TBC1D8: variants seen among roughly 807,000 people sequenced by gnomAD.
The protein encoded by TBC1D8 is TBC1 domain family member 8, also known as BUB2-like protein 1.
In TBC1D8, 65 loss-of-function variants were observed where a neutral mutation model predicts 118.8. The ratio of observed to expected loss-of-function variants is 0.55; its 90% CI spans 0.45 to 0.67. TBC1D8 has a LOEUF of 0.67. Among genes scored for constraint, TBC1D8 ranks in the 30% least tolerant of loss-of-function variants. TBC1D8 has a pLI of 0.00. For missense variants in TBC1D8, 1,376 were observed against 1,471.2 expected, an observed-to-expected ratio of 0.94 and a Z score of 1.06; for synonymous variants, 566 against 595.8, an observed-to-expected ratio of 0.95 and a Z score of 0.73.
chr2:101,136,331 C>A (rs1678853688), intron 1 of TBC1D8, among the ~76,000 whole-genome samples: 2 of 152,202 alleles, frequency 1.3e-5, no homozygotes, highest in African/African-American at 2.4e-5. Context: ...CCCCTACCCT[C>A]ACCATGTGAT....
chr2:101,013,952 G>T (rs1045537427), intron 17 of TBC1D8, among the ~76,000 whole-genome samples: 1 of 152,200 alleles, frequency 6.6e-6, no homozygotes, highest in Non-Finnish European at 1.5e-5. Flanking sequence ...GAGGCCCTGC[G>T]CTTGGATTAA....
At chr2:101,049,086 A>G (rs1681890993) in intron 5 of TBC1D8, among the ~76,000 whole-genome samples, 1 of 152,236 alleles carries the variant, frequency 6.6e-6, no homozygotes, top group Non-Finnish European at 1.5e-5. Flanking sequence ...AATAGCTCCG[A>G]GCCCCTGCTT....
chr2:101,075,929 G>T (rs1360152348), intron 2 of TBC1D8, among the ~76,000 whole-genome samples: 1 of 152,092 alleles, frequency 6.6e-6, no homozygotes, highest in Non-Finnish European at 1.5e-5. Flanking sequence ...CAACGTTTCT[G>T]TATGTTTGAA....
Position 101,111,833 on chromosome 2 carries a change from C to T in TBC1D8, c.128-21469G>A, listed in dbSNP as rs1574054075. ...ATGTCTGGTGGTGATGCTGGCACAG[C>T]AATGCAAATGTACATAATGCCACCA... On this transcript the variant is annotated intron_variant, in intron 1 of 19. Transcript: ENST00000409318. 2.0e-5 allele frequency among the ~76,000 whole-genome samples: 3 copies of T among 151,056 alleles called. No homozygotes were observed. The South Asian group carries it at 6.3e-4, about 32-fold the overall frequency.
At position 101,151,345 on chromosome 2, in the gene TBC1D8, C is replaced by G. The variant is rs1015358638; in HGVS notation, c.-92G>C. The G allele has an allele frequency of 1.9e-6, 2 of 1,067,110 alleles. No individual in the cohort carries two copies. The highest frequency in any genetic ancestry group is 5.5e-5 in the Admixed American group (1 of 18,190). The allele number at this position is 1,067,110 out of a possible 1,614,324, so 66.1% of individuals were successfully genotyped here. On this transcript the variant is annotated 5_prime_UTR_variant, in exon 1 of 20. Coordinates refer to ENST00000409318, the MANE Select transcript of TBC1D8 (RefSeq NM_001330348.2). ...GAGCCCGCTCGAGAGGCGACGGCGG[C>G]GCGCGGGGACCACAGCCCGGCCGGT...
intron 1 of TBC1D8, among the ~76,000 whole-genome samples, chr2:101,141,063 A>G (rs903315000): frequency 1.4e-4 from 22 of 152,108 alleles, no homozygotes; most frequent in African/African-American, 4.8e-4. Flanking sequence ...TGCCCAGCCT[A>G]CTTCTTGGAT....
rs139271199 is a variant in TBC1D8 at position 101,016,178 on chromosome 2, A to G, written c.2828-4638T>C. ...AAAATTTTCGCAACCTACTCATCTGAGAAAGGGCTAATATCCAGAATCTAC... is the reference window on the plus strand; with the variant it reads ...AAAATTTTCGCAACCTACTCATCTGGGAAAGGGCTAATATCCAGAATCTAC... On this transcript the variant is annotated intron_variant, in intron 17 of 19. Transcript: ENST00000409318. Among the ~76,000 whole-genome samples, 968 of 152,346 alleles carry G rather than the reference A, an allele frequency of 6.4e-3. 3 individuals are homozygous for G. Among genetic ancestry groups the G allele is most frequent in the African/African-American group, 0.022 (901 of 41,574 alleles).
In TBC1D8 at chr2:101,011,169, C is replaced by T; in HGVS notation, c.2918-143G>A. 3.7e-6 allele frequency: 3 copies of T among 809,776 alleles called. No homozygotes were observed. In the South Asian group the frequency reaches 5.3e-5, roughly 14 times the overall value. The allele number at this position is 809,776 out of a possible 1,614,324, so 50.2% of individuals were successfully genotyped here. A position where few individuals can be genotyped will look rare whatever the true frequency, so the allele number is the denominator to read the frequency against. On this transcript the variant is annotated intron_variant, in intron 18 of 19. Transcript: ENST00000409318. ...ACAAAACTGGAAAGCAAGAGATTCC[C>T]CTGGAGAGCCAGTGGGTGGTAACTG...
intron 17 of TBC1D8, among the ~76,000 whole-genome samples, chr2:101,020,167 T>G (rs1679946341): frequency 6.6e-6 from 1 of 151,906 alleles, no homozygotes; most frequent in South Asian, 2.1e-4. Context: ...TATACCATGG[T>G]GAAATTCCAT....
In TBC1D8 at chr2:101,066,952, A is replaced by C. The variant is rs1353668261; in HGVS notation, c.284-7413T>G. 2.1e-5 allele frequency among the ~76,000 whole-genome samples: 3 copies of C among 144,636 alleles called. No individual in the cohort carries two copies. The East Asian group carries it at 5.9e-4, about 28-fold the overall frequency. The allele number at this position is 144,636 out of a possible 152,430, so 94.9% of individuals were successfully genotyped here. A position where few individuals can be genotyped will look rare whatever the true frequency, so the allele number is the denominator to read the frequency against. ...ACAGAGCGAGAGTATCCCAAAAAAAAAAAAAAAAAAAAAAAAATCAAAGTT... is the reference window on the plus strand; with the variant it reads ...ACAGAGCGAGAGTATCCCAAAAAAACAAAAAAAAAAAAAAAAATCAAAGTT... On this transcript the variant is annotated intron_variant, in intron 2 of 19. Transcript: ENST00000409318.
rs201344659 is a variant in TBC1D8, at chr2:101,054,071, A to C, written c.631+37T>G. ...GGAGCAGCGCTGAGTCCCTGGGGCC[A>C]ACTTTATCTTGGAAGAGCCTGCCAG... On this transcript the variant is annotated intron_variant, in intron 4 of 19. Coordinates refer to ENST00000409318, the MANE Select transcript of TBC1D8 (RefSeq NM_001330348.2). 72 of 1,575,384 alleles carry C rather than the reference A, an allele frequency of 4.6e-5. No individual in the cohort carries two copies. In the East Asian group the frequency reaches 1.7e-3, roughly 36 times the overall value.
chr2:101,086,485 T>A (rs889149840), intron 2 of TBC1D8, among the ~76,000 whole-genome samples: 2 of 151,990 alleles, frequency 1.3e-5, no homozygotes, highest in South Asian at 4.1e-4. Context: ...ATGCTCACAG[T>A]AGTTACAGAT....
intron 15 of TBC1D8, among the ~76,000 whole-genome samples, chr2:101,026,423 A>G (rs1433814335): frequency 3.3e-5 from 5 of 152,224 alleles, no homozygotes; most frequent in Admixed American, 3.3e-4. Context: ...GCTAGTTCTC[A>G]CCATACATCC....
intron 1 of TBC1D8, among the ~76,000 whole-genome samples, chr2:101,094,026 T>C (rs938877847): frequency 2.6e-5 from 4 of 151,992 alleles, no homozygotes; most frequent in Non-Finnish European, 4.4e-5. Flanking sequence ...ATCTGATCAG[T>C]CCTCCTGTTG....
At chr2:101,126,758 T>C (rs1165791038) in intron 1 of TBC1D8, among the ~76,000 whole-genome samples, 1 of 152,236 alleles carries the variant, frequency 6.6e-6, no homozygotes, top group South Asian at 2.1e-4. Flanking sequence ...CTGGCTGTTC[T>C]TCCTTGGAGA....
rs141373349 is a variant in TBC1D8 at position 101,101,596 on chromosome 2, A to C, written c.128-11232T>G. Among the ~76,000 whole-genome samples, 130 of 152,330 alleles carry C rather than the reference A, an allele frequency of 8.5e-4. 3 individuals are homozygous for C. In the East Asian group the frequency reaches 0.018, roughly 21 times the overall value. On this transcript the variant is annotated intron_variant, in intron 1 of 19. Coordinates refer to ENST00000409318, the MANE Select transcript of TBC1D8 (RefSeq NM_001330348.2). ...CATTCTACTATAAAGATACATACAC[A>C]TGTATGTTTATTGCAGCACTATTTA...
chr2:101,096,761 A>G (rs1676474947), intron 1 of TBC1D8, among the ~76,000 whole-genome samples: 1 of 151,482 alleles, frequency 6.6e-6, no homozygotes, highest in Non-Finnish European at 1.5e-5. Flanking sequence ...GTCAATAGAA[A>G]CTTCCCAAAC....
At chr2:101,143,211 C>T (rs930217718) in intron 1 of TBC1D8, among the ~76,000 whole-genome samples, 6 of 151,752 alleles carry the variant, frequency 4.0e-5, no homozygotes, top group African/African-American at 7.3e-5. Flanking sequence ...TACAGGTGCC[C>T]GCCACCACAC....
At position 101,008,165 on chromosome 2, in the gene TBC1D8, TCTG is replaced by T. The variant is rs1254402590; in HGVS notation, c.3121_3123del (p.Gln1041del). On this transcript the variant is annotated inframe_deletion, in exon 20 of 20. Transcript: ENST00000409318. ...CTGCCTCGCTGCCCCACCTCCCCGA[TCTG>T]CAGCAGCAGTGTGGTGACTGTGGCG... is the stretch of plus-strand genomic sequence containing the variant. 1 of 1,613,704 alleles carries T rather than the reference TCTG, an allele frequency of 6.2e-7. No homozygotes were observed. Among genetic ancestry groups the T allele is most frequent in the Non-Finnish European group, 8.5e-7 (1 of 1,179,814 alleles).
Sources: gnomAD v4.1 joint callset for allele counts (sites outside exome capture counted in the v4.1 genomes callset) on GRCh38, gnomAD v4.1.1 for gene constraint, MANE v1.5 for transcripts, NCBI Gene and HGNC (gene_info 2026-07-23, HGNC 2026-07-21) for gene names.